CFAP299: variants seen among roughly 807,000 people sequenced by gnomAD.
CFAP299 encodes the protein cilia- and flagella-associated protein 299.
In CFAP299, 21 loss-of-function variants were observed where a neutral mutation model predicts 27.0. The ratio of observed to expected loss-of-function variants is 0.78; its 90% CI spans 0.55 to 1.12. The LOEUF is 1.12. CFAP299 is among the 50% of genes most tolerant of loss of function. The probability of loss-of-function intolerance (pLI) is 0.00; values close to 1 mark genes in which losing one functional copy is unlikely to be tolerated. For synonymous variants in CFAP299, 104 were observed against 98.1 expected (o/e 1.06, Z -0.36); for missense variants, 310 against 276.6 (o/e 1.12, Z -0.86).
At chr4:80,597,245 T>A (rs1737100584) in intron 3 of CFAP299, among the ~76,000 whole-genome samples, 1 of 152,164 alleles carries the variant, frequency 6.6e-6, no homozygotes, top group Non-Finnish European at 1.5e-5. Flanking sequence ...GTATTTTAAT[T>A]TCTGATTTTT....
At chr4:80,702,707 G>A (rs1721575664) in intron 3 of CFAP299, among the ~76,000 whole-genome samples, 1 of 151,828 alleles carries the variant, frequency 6.6e-6, no homozygotes, top group South Asian at 2.1e-4. Flanking sequence ...ATTTTCAAAA[G>A]TAAGCATATG....
At chr4:80,529,878 C>T (rs1259012171) in intron 2 of CFAP299, among the ~76,000 whole-genome samples, 1 of 151,938 alleles carries the variant, frequency 6.6e-6, no homozygotes, top group African/African-American at 2.4e-5. Context: ...CTGAATTACA[C>T]ACAAGCAAAC....
chr4:80,461,916 T>C (rs1473784665), intron 2 of CFAP299, among the ~76,000 whole-genome samples: 1 of 152,128 alleles, frequency 6.6e-6, no homozygotes, highest in Admixed American at 6.6e-5. Flanking sequence ...CTTCCCTCCA[T>C]CTATAAACAT....
At chr4:80,457,978 T>C (rs937192527) in intron 2 of CFAP299, among the ~76,000 whole-genome samples, 14 of 152,198 alleles carry the variant, frequency 9.2e-5, no homozygotes, top group African/African-American at 3.4e-4. Context: ...AATCCATCTC[T>C]TGTTTTTGTC....
chr4:80,782,948 G>T (rs1021155560), intron 3 of CFAP299, among the ~76,000 whole-genome samples: 7 of 151,402 alleles, frequency 4.6e-5, no homozygotes, highest in Non-Finnish European at 7.4e-5. Context: ...TTTTCAAATG[G>T]CTTCAGACAA....
intron 4 of CFAP299, among the ~76,000 whole-genome samples, chr4:80,903,407 A>T (rs1302071499): frequency 6.6e-6 from 1 of 152,094 alleles, no homozygotes; most frequent in East Asian, 1.9e-4. Flanking sequence ...AAGAAAATTG[A>T]AATCTGAAAA....
intron 3 of CFAP299, among the ~76,000 whole-genome samples, chr4:80,636,325 G>A (rs1739464350): frequency 6.6e-6 from 1 of 152,014 alleles, no homozygotes. Context: ...AGTAAATGGA[G>A]CATTTCATTT....
chr4:80,605,786 C>T (rs1010051805), intron 3 of CFAP299, among the ~76,000 whole-genome samples: 1 of 152,032 alleles, frequency 6.6e-6, no homozygotes, highest in African/African-American at 2.4e-5. Context: ...ACAAAGAATA[C>T]CTGTATATGC....
At chr4:80,617,700 A>G (rs1331265362) in intron 3 of CFAP299, among the ~76,000 whole-genome samples, 1 of 152,232 alleles carries the variant, frequency 6.6e-6, no homozygotes, top group Non-Finnish European at 1.5e-5. Flanking sequence ...CATAATGATA[A>G]CCAAAACTAT....
intron 3 of CFAP299, among the ~76,000 whole-genome samples, chr4:80,839,430 G>T (rs1281473777): frequency 6.6e-6 from 1 of 152,080 alleles, no homozygotes; most frequent in African/African-American, 2.4e-5. Context: ...AGTACAAAAA[G>T]GCTGTATGAA....
chr4:80,791,897 A>G (rs544191710), intron 3 of CFAP299, among the ~76,000 whole-genome samples: 2 of 152,006 alleles, frequency 1.3e-5, no homozygotes, highest in South Asian at 4.1e-4. Context: ...AATCTTAGCT[A>G]TTCACATGTG....
chr4:80,478,302 C>T (rs2969280), intron 2 of CFAP299, among the ~76,000 whole-genome samples: 1 of 152,066 alleles, frequency 6.6e-6, no homozygotes, highest in Non-Finnish European at 1.5e-5. Flanking sequence ...ATGCATGTTT[C>T]TTCTTGACTC....
At chr4:80,679,707 C>T (rs1480443963) in intron 3 of CFAP299, among the ~76,000 whole-genome samples, 3 of 147,982 alleles carry the variant, frequency 2.0e-5, no homozygotes, top group Non-Finnish European at 4.5e-5. Context: ...TGTTTGCTAT[C>T]TGAACTCCCA....
chr4:80,362,659 T>A, intron 1 of CFAP299, 95 bp from the exon 2 acceptor site: 1 of 1,266,578 alleles, frequency 7.9e-7, no homozygotes. Flanking sequence ...TTAAAGCAAT[T>A]GCTTGGTATA....
intron 3 of CFAP299, among the ~76,000 whole-genome samples, chr4:80,779,843 G>T (rs10516648): frequency 6.6e-6 from 1 of 151,898 alleles, no homozygotes; most frequent in Non-Finnish European, 1.5e-5. Context: ...TAAAATGATA[G>T]GACCTTTCTT....
chr4:80,902,483 T>TATATATGTATATATGG (rs1734963960), intron 4 of CFAP299, among the ~76,000 whole-genome samples: 3 of 119,874 alleles, frequency 2.5e-5, no homozygotes, highest in Admixed American at 8.0e-5. Flanking sequence ...TGTATATATG[T>TATATATGTATATATGG]ATATATACAT....
intron 3 of CFAP299, among the ~76,000 whole-genome samples, chr4:80,858,900 G>A (rs1386029278): frequency 6.6e-6 from 1 of 152,104 alleles, no homozygotes; most frequent in Non-Finnish European, 1.5e-5. Context: ...ATTTGGGGTG[G>A]AGAGTTCTGT....
At chr4:80,416,585 A>G (rs1167265007) in intron 2 of CFAP299, among the ~76,000 whole-genome samples, 3 of 152,216 alleles carry the variant, frequency 2.0e-5, no homozygotes, top group African/African-American at 4.8e-5. Flanking sequence ...ATATTTTCAT[A>G]TATTTATCTT....
chr4:80,621,504 G>A (rs1738605749), intron 3 of CFAP299, among the ~76,000 whole-genome samples: 1 of 151,036 alleles, frequency 6.6e-6, no homozygotes, highest in African/African-American at 2.5e-5. Context: ...AATATCATTT[G>A]TTGATTTAAT....
Sources: allele counts gnomAD v4.1 joint callset (sites outside exome capture counted in the v4.1 genomes callset), GRCh38; gene constraint gnomAD v4.1.1; transcripts MANE v1.5; gene names NCBI Gene and HGNC (gene_info 2026-07-23, HGNC 2026-07-21).